Variants in FAM227B observed in about 807,000 individuals in gnomAD.
FAM227B encodes the protein protein FAM227B.
FAM227B carries 88 observed loss-of-function variants against 73.8 expected under a neutral mutation model. That is an observed-to-expected ratio of 1.19 (90% CI 1.00 to 1.42). The LOEUF (loss-of-function observed/expected upper bound fraction) is 1.42, where lower values mean the gene tolerates loss of function less well. Among genes scored for constraint, FAM227B ranks in the 40% most tolerant of loss-of-function variants. FAM227B has a pLI of 0.00. For synonymous variants in FAM227B, 210 were observed against 190.5 expected, an observed-to-expected ratio of 1.10 and a Z score of -0.84; for missense variants, 632 against 590.9, an observed-to-expected ratio of 1.07 and a Z score of -0.72.
At chr15:49,383,998 C>A (rs1442365764) in intron 11 of FAM227B, among the ~76,000 whole-genome samples, 1 of 152,046 alleles carries the variant, frequency 6.6e-6, no homozygotes, top group Admixed American at 6.6e-5. Flanking sequence ...CTCACTGGGA[C>A]TGAGGGAAAA....
intron 3 of FAM227B, among the ~76,000 whole-genome samples, chr15:49,590,666 C>T (rs1028484527): frequency 3.3e-5 from 5 of 152,192 alleles, no homozygotes; most frequent in African/African-American, 1.2e-4. Flanking sequence ...CATCACCTCA[C>T]AGAGTTTATG....
At chr15:49,603,535 A>T (rs1036883919) in intron 3 of FAM227B, among the ~76,000 whole-genome samples, 3 of 152,018 alleles carry the variant, frequency 2.0e-5, no homozygotes, top group African/African-American at 7.2e-5. Flanking sequence ...TTTTTGATGA[A>T]GTCTTTAGGT....
chr15:49,556,695 C>T (rs186263795), intron 9 of FAM227B, among the ~76,000 whole-genome samples: 2 of 152,292 alleles, frequency 1.3e-5, no homozygotes, highest in Non-Finnish European at 2.9e-5. Context: ...GTCAGACTGG[C>T]CCATCTCCGA....
chr15:49,558,288 G>A (rs1598220251), intron 9 of FAM227B, among the ~76,000 whole-genome samples: 1 of 152,306 alleles, frequency 6.6e-6, no homozygotes, highest in South Asian at 2.1e-4. Context: ...CTAAACACCT[G>A]TTGTCAGTCA....
chr15:49,510,647 G>A (rs901309191), intron 10 of FAM227B, among the ~76,000 whole-genome samples: 2 of 151,968 alleles, frequency 1.3e-5, no homozygotes, highest in Non-Finnish European at 2.9e-5. Context: ...CAGTATTTTG[G>A]AGATTCAATT....
chr15:49,544,050 G>A (rs571437092), intron 9 of FAM227B, among the ~76,000 whole-genome samples: 96 of 152,102 alleles, frequency 6.3e-4, no homozygotes, highest in African/African-American at 2.3e-3. Context: ...TACTTTTATG[G>A]GAATTGCACT....
chr15:49,522,047 G>A (rs2059827575), intron 10 of FAM227B, among the ~76,000 whole-genome samples: 1 of 152,156 alleles, frequency 6.6e-6, no homozygotes, highest in Admixed American at 6.5e-5. Context: ...CACCATGCTA[G>A]GGCAGGAGAT....
At chr15:49,524,032 T>A (rs980749570) in intron 10 of FAM227B, among the ~76,000 whole-genome samples, 21 of 151,966 alleles carry the variant, frequency 1.4e-4, no homozygotes, top group Non-Finnish European at 3.1e-4. Context: ...ATAAAAAAAA[T>A]TGCAGCCTGA....
At chr15:49,396,008 T>G (rs773715158) in intron 11 of FAM227B, 3 of 455,588 alleles carry the variant, frequency 6.6e-6, no homozygotes, top group Non-Finnish European at 1.3e-5. Context: ...GATGGCCAAA[T>G]AGGAACAGCT....
chr15:49,363,678 G>GA (rs1475323484), intron 13 of FAM227B, among the ~76,000 whole-genome samples: 2 of 152,170 alleles, frequency 1.3e-5, no homozygotes, highest in African/African-American at 4.8e-5. Flanking sequence ...GGAGTGTTGA[G>GA]AGTGGGTATC....
chr15:49,328,918 T>TA, intron 15 of FAM227B: 2 of 1,216,182 alleles, frequency 1.6e-6, no homozygotes, highest in Non-Finnish European at 2.1e-6. Context: ...AAAACTTAGA[T>TA]AAAAAACACT....
intron 11 of FAM227B, among the ~76,000 whole-genome samples, chr15:49,409,570 T>G (rs2048742413): frequency 6.6e-6 from 1 of 150,980 alleles, no homozygotes. Flanking sequence ...AAAAGAGAGA[T>G]ATATAGAAAC....
At chr15:49,532,792 A>T (rs2060709677) in intron 10 of FAM227B, among the ~76,000 whole-genome samples, 1 of 152,010 alleles carries the variant, frequency 6.6e-6, no homozygotes, top group African/African-American at 2.4e-5. Flanking sequence ...AGAGTCACAC[A>T]GCTCTAACTA....
At chr15:49,592,597 G>C (rs1466889767) in intron 3 of FAM227B, among the ~76,000 whole-genome samples, 1 of 152,208 alleles carries the variant, frequency 6.6e-6, no homozygotes, top group Non-Finnish European at 1.5e-5. Flanking sequence ...TGAGGTGTCT[G>C]TTGGCCCCTA....
intron 8 of FAM227B, among the ~76,000 whole-genome samples, chr15:49,572,945 C>G (rs540058621): frequency 6.7e-6 from 1 of 150,356 alleles, no homozygotes; most frequent in African/African-American, 2.4e-5. Context: ...TCTCTCTGAT[C>G]TTTATTATTT....
chr15:49,506,021 A>G (rs970479063), intron 11 of FAM227B, among the ~76,000 whole-genome samples: 90 of 152,172 alleles, frequency 5.9e-4, no homozygotes, highest in African/African-American at 2.1e-3. Context: ...AAAAAAGAGA[A>G]TTATCACAGC....
At chr15:49,355,795 C>G (rs1303149519) in intron 13 of FAM227B, among the ~76,000 whole-genome samples, 2 of 151,958 alleles carry the variant, frequency 1.3e-5, no homozygotes, top group African/African-American at 4.8e-5. Flanking sequence ...TTGTCAGATT[C>G]ACCAAAGTTG....
At chr15:49,615,605 G>A (rs767098301) in intron 1 of FAM227B, among the ~76,000 whole-genome samples, 1 of 152,104 alleles carries the variant, frequency 6.6e-6, no homozygotes, top group Non-Finnish European at 1.5e-5. Flanking sequence ...TGCCATGATT[G>A]TAAGTTTCCT....
At position 49,335,464 on chromosome 15, in the gene FAM227B, T is replaced by C. The variant is rs2039542133; in HGVS notation, c.1304A>G (p.Lys435Arg). The C allele has an allele frequency of 1.9e-6, 3 of 1,613,608 alleles. No individual in the cohort carries two copies. The highest frequency in any genetic ancestry group is 2.7e-5 in the African/African-American group (2 of 75,052). The change falls in exon 14 of 16, where the codon AAG becomes AGG. Residue 435 changes from lysine (K) to arginine (R), a missense_variant. Coordinates refer to ENST00000299338, the MANE Select transcript of FAM227B (RefSeq NM_152647.3). ...CCTTGCAAATTGTCTTTTTGCCTCC[T>C]TTATAACATCACGGTATGTTGGAGC... is the stretch of plus-strand genomic sequence containing the variant. ...LPAPTYRDVIKEAKRQFARNQ... is the reference protein window; with the variant it reads ...LPAPTYRDVIREAKRQFARNQ...
Sources: allele counts gnomAD v4.1 joint callset (sites outside exome capture counted in the v4.1 genomes callset), GRCh38; gene constraint gnomAD v4.1.1; transcripts MANE v1.5; gene names NCBI Gene and HGNC (gene_info 2026-07-23, HGNC 2026-07-21).